The following NEDD1 variants were observed in gnomAD, a reference collection of about 807,000 sequenced individuals.
NEDD1 encodes the protein NEDD1 gamma-tubulin ring complex targeting factor.
Under a neutral mutation model 74.0 loss-of-function variants are expected in NEDD1, and 33 were observed. The observed-to-expected ratio is 0.45, with a 90% CI of 0.34 to 0.60. The LOEUF is 0.60. NEDD1 is among the 20% of genes least tolerant of loss of function. The pLI is 0.01. For missense variants in NEDD1, 746 were observed against 776.5 expected (o/e 0.96, Z 0.47); for synonymous variants, 250 against 264.4 (o/e 0.95, Z 0.53).
intron 4 of NEDD1, among the ~76,000 whole-genome samples, chr12:96,916,260 A>ATTT (rs1555200671): frequency 4.7e-5 from 7 of 149,390 alleles, no homozygotes; most frequent in African/African-American, 1.2e-4. Flanking sequence ...TATTATTATT[A>ATTT]TTTTTAAATT....
In NEDD1 at chr12:96,945,694, T is replaced by C. The variant is rs1294714217; in HGVS notation, c.1656T>C (p.Asn552=). The part of the protein sequence containing the change: ...EPPINGSSTP[N]PKIASSVTAG... ...TATTTTCTTCATTCTTTATTTTAGA[T>C]CCAAAGATAGCATCTTCTGTCACTG... The change falls in exon 14 of 16, where the codon AAT becomes AAC. Residue 552 remains asparagine (N), a splice_region_variant and synonymous_variant. Coordinates refer to ENST00000266742, the MANE Select transcript of NEDD1 (RefSeq NM_152905.4). The C allele has an allele frequency of 6.3e-7, 1 of 1,575,286 alleles. No homozygotes were observed. The highest frequency in any genetic ancestry group is 8.7e-7 in the Non-Finnish European group (1 of 1,145,588).
At chr12:96,949,311 G>A (rs1878491102) in intron 14 of NEDD1, among the ~76,000 whole-genome samples, 1 of 152,120 alleles carries the variant, frequency 6.6e-6, no homozygotes, top group South Asian at 2.1e-4. Context: ...GAAAGTAGAA[G>A]AGGAAATTTT....
intron 10 of NEDD1, 61 bp from the exon 11 acceptor site, chr12:96,942,516 C>G (rs1877757857): frequency 1.2e-6 from 1 of 821,266 alleles, no homozygotes; most frequent in Non-Finnish European, 2.1e-6. Flanking sequence ...GAATAAGAAG[C>G]CTAAATTGAT....
intron 9 of NEDD1, among the ~76,000 whole-genome samples, chr12:96,938,208 T>C (rs1000697347): frequency 6.6e-6 from 1 of 152,040 alleles, no homozygotes; most frequent in African/African-American, 2.4e-5. Context: ...TGGAGTAGTA[T>C]TTTAAAGTAA....
chr12:96,927,281 T>A (rs560950095), intron 6 of NEDD1, among the ~76,000 whole-genome samples: 1 of 152,344 alleles, frequency 6.6e-6, no homozygotes, highest in South Asian at 2.1e-4. Context: ...AGAATCTGCA[T>A]CATACTGAAT....
intron 3 of NEDD1, among the ~76,000 whole-genome samples, chr12:96,910,730 A>G (rs1353416953): frequency 1.3e-5 from 2 of 152,200 alleles, no homozygotes; most frequent in Non-Finnish European, 2.9e-5. Flanking sequence ...CTCCCAGTAG[A>G]GAACCACTGC....
chr12:96,916,651 A>G (rs934508788), intron 4 of NEDD1, among the ~76,000 whole-genome samples: 5 of 149,654 alleles, frequency 3.3e-5, no homozygotes, highest in Admixed American at 2.0e-4. Flanking sequence ...AATCCAGTCT[A>G]TCATTGTTGG....
chr12:96,952,631 A>G lies in NEDD1; in HGVS notation c.*578A>G, dbSNP rs1340914135. ...ATTTTTGGAATTTTGAATTGCACAA[A>G]TTACATGATATCTTTTGCATTTATG... On this transcript the variant is annotated 3_prime_UTR_variant, in exon 16 of 16. Coordinates refer to ENST00000266742, the MANE Select transcript of NEDD1 (RefSeq NM_152905.4). 6.6e-6 allele frequency: 1 copy of G among 151,802 alleles called. No homozygotes were observed. Among genetic ancestry groups the G allele is most frequent in the Non-Finnish European group, 1.5e-5 (1 of 67,742 alleles). 9.4% of individuals were successfully genotyped at this position (151,802 alleles called of 1,614,324 possible). A position where few individuals can be genotyped will look rare whatever the true frequency, so the allele number is the denominator to read the frequency against.
chr12:96,944,542 A>G (rs190669150), intron 12 of NEDD1, 97 bp from the exon 13 acceptor site: 93 of 626,062 alleles, frequency 1.5e-4, no homozygotes, highest in Non-Finnish European at 1.3e-4. Flanking sequence ...CTATTAACCT[A>G]CATACTGGGA....
chr12:96,909,583 C>T (rs1023138791), intron 2 of NEDD1, among the ~76,000 whole-genome samples, 169 bp from the exon 3 acceptor site: 4 of 152,130 alleles, frequency 2.6e-5, no homozygotes, highest in Admixed American at 1.3e-4. Context: ...TAAGAGAATG[C>T]GACCTGGCTT....
intron 9 of NEDD1, among the ~76,000 whole-genome samples, chr12:96,939,820 T>C (rs1021123501): frequency 6.6e-6 from 1 of 152,026 alleles, no homozygotes; most frequent in South Asian, 2.1e-4. Flanking sequence ...TCTGGTTTGC[T>C]TCCTCTTTGA....
At chr12:96,924,871 G>A in intron 6 of NEDD1, 1 of 451,284 alleles carries the variant, frequency 2.2e-6, no homozygotes, top group Non-Finnish European at 4.4e-6. Flanking sequence ...GATGATAGTG[G>A]ACATCTTTAT....
In NEDD1 at chr12:96,909,915, A is replaced by C. The variant is rs77544329; in HGVS notation, c.136+20A>C. 0.091 allele frequency: 121,709 copies of C among 1,341,378 alleles called. 3,570 individuals carry two copies. The highest frequency in any genetic ancestry group is 0.12 in the South Asian group (8,455 of 73,164). The allele number at this position is 1,341,378 out of a possible 1,614,324, so 83.1% of individuals were successfully genotyped here. The stretch of plus-strand genomic sequence containing the variant: ...GCAATAGTATCCTTTAAAAAAAAAA[A>C]ACACACACACACACACACAAACCGC... On this transcript the variant is annotated intron_variant, in intron 3 of 15. Transcript: ENST00000266742.
chr12:96,935,300 T>C (rs1876979992), intron 7 of NEDD1, 95 bp downstream of exon 7: 2 of 725,284 alleles, frequency 2.8e-6, no homozygotes, highest in East Asian at 5.3e-5. Flanking sequence ...CTGATTAGTG[T>C]CCAGGGGTCC....
At chr12:96,938,953 A>G (rs1344765976) in intron 9 of NEDD1, among the ~76,000 whole-genome samples, 1 of 151,782 alleles carries the variant, frequency 6.6e-6, no homozygotes, top group Non-Finnish European at 1.5e-5. Context: ...TCTGGGTCTC[A>G]TTTTTTTCCT....
At chr12:96,932,123 A>G (rs1876542565) in intron 6 of NEDD1, among the ~76,000 whole-genome samples, 1 of 151,704 alleles carries the variant, frequency 6.6e-6, no homozygotes, top group Non-Finnish European at 1.5e-5. Context: ...TCCTCCACAA[A>G]CATGCAACAT....
intron 6 of NEDD1, among the ~76,000 whole-genome samples, chr12:96,924,261 A>G (rs1414134145): frequency 2.0e-5 from 3 of 152,168 alleles, no homozygotes; most frequent in Non-Finnish European, 2.9e-5. Context: ...GCTTTATGGT[A>G]GATCGTGATA....
At chr12:96,930,072 TG>T (rs1295641217) in intron 6 of NEDD1, among the ~76,000 whole-genome samples, 2 of 151,958 alleles carry the variant, frequency 1.3e-5, no homozygotes, top group African/African-American at 4.8e-5. Context: ...TGGGGGTTCA[TG>T]GGGATACCTC....
chr12:96,939,209 A>G (rs1324306024), intron 9 of NEDD1, among the ~76,000 whole-genome samples: 1 of 152,080 alleles, frequency 6.6e-6, no homozygotes, highest in Non-Finnish European at 1.5e-5. Context: ...TAAACTTGTT[A>G]TTGGTACTTA....
Sources: allele counts gnomAD v4.1 joint callset (sites outside exome capture counted in the v4.1 genomes callset), GRCh38; gene constraint gnomAD v4.1.1; transcripts MANE v1.5; gene names NCBI Gene and HGNC (gene_info 2026-07-23, HGNC 2026-07-21).